Variants in ATAD2 observed in about 807,000 individuals in gnomAD.
ATAD2 encodes ATPase family AAA domain containing 2, also known as ATPase family AAA domain-containing protein 2.
A neutral mutation model predicts 168.9 loss-of-function variants in ATAD2; 62 were observed. That is an observed-to-expected ratio of 0.37 (90% CI 0.30 to 0.45). The LOEUF (loss-of-function observed/expected upper bound fraction) is 0.45. Ranked by LOEUF, ATAD2 falls within the 20% of genes least tolerant of loss-of-function variation. The pLI is 1.00. For synonymous variants in ATAD2, 613 were observed against 571.6 expected (o/e 1.07, Z -1.03); for missense variants, 1,419 against 1,667.8 (o/e 0.85, Z 2.60).
chr8:123,341,999 T>C (rs1828076013), intron 19 of ATAD2, among the ~76,000 whole-genome samples: 1 of 152,128 alleles, frequency 6.6e-6, no homozygotes, highest in Non-Finnish European at 1.5e-5. Context: ...GGCAGGATAA[T>C]TGCTTAAACC....
At chr8:123,358,518 G>T (rs550188925) in intron 11 of ATAD2, among the ~76,000 whole-genome samples, 1 of 151,782 alleles carries the variant, frequency 6.6e-6, no homozygotes, top group South Asian at 2.1e-4. Context: ...CTAATTTTTT[G>T]GGTATTTTTA....
intron 26 of ATAD2, among the ~76,000 whole-genome samples, 187 bp downstream of exon 26, chr8:123,325,706 C>G (rs548938348): frequency 6.6e-6 from 1 of 152,246 alleles, no homozygotes; most frequent in Non-Finnish European, 1.5e-5. Flanking sequence ...CAGGCGTGAG[C>G]CACTGTGCCT....
chr8:123,353,360 T>C (rs914099164), intron 13 of ATAD2, among the ~76,000 whole-genome samples: 1 of 151,822 alleles, frequency 6.6e-6, no homozygotes, highest in African/African-American at 2.4e-5. Context: ...TGAGACTCTG[T>C]CACAAAACAA....
intron 24 of ATAD2, among the ~76,000 whole-genome samples, chr8:123,332,731 C>A (rs944923476): frequency 3.3e-5 from 5 of 152,096 alleles, no homozygotes. Flanking sequence ...TTGTACCAAC[C>A]TAATATTATG....
chr8:123,389,781 C>T (rs1210534765), intron 1 of ATAD2, among the ~76,000 whole-genome samples: 10 of 150,000 alleles, frequency 6.7e-5, no homozygotes, highest in Non-Finnish European at 8.9e-5. Context: ...ACTAATACCA[C>T]CTTAACTTAA....
chr8:123,325,533 A>G (rs547018805), intron 26 of ATAD2, among the ~76,000 whole-genome samples: 77 of 151,978 alleles, frequency 5.1e-4, no homozygotes, highest in African/African-American at 1.8e-3. Flanking sequence ...TGATCCGCCC[A>G]CCTCAGCCTC....
intron 8 of ATAD2, among the ~76,000 whole-genome samples, chr8:123,362,708 C>T (rs1338169365): frequency 6.6e-6 from 1 of 152,000 alleles, no homozygotes; most frequent in Non-Finnish European, 1.5e-5. Flanking sequence ...AGTCATCACG[C>T]CCGGCCAAAA....
chr8:123,340,138 C>T (rs775376085), intron 19 of ATAD2, among the ~76,000 whole-genome samples: 9 of 152,142 alleles, frequency 5.9e-5, no homozygotes, highest in Admixed American at 2.0e-4. Flanking sequence ...GATCCTCCTG[C>T]CCTGGCCTCC....
At chr8:123,404,455 C>G (rs7004120) in intron 1 of ATAD2, among the ~76,000 whole-genome samples, 28,501 of 152,018 alleles carry the variant, frequency 0.19, 3,227 homozygotes, top group Non-Finnish European at 0.26. Context: ...TGACAACCTT[C>G]GGAGTTTCTT....
chr8:123,409,404 C>T (rs572187715), intron 1 of ATAD2, among the ~76,000 whole-genome samples: 173 of 152,294 alleles, frequency 1.1e-3, no homozygotes, highest in Non-Finnish European at 2.1e-3. Flanking sequence ...TTGAAATGAT[C>T]GCTTTAACTT....
upstream of ATAD2, chr8:123,401,264 G>A (rs772567901): frequency 8.0e-5 from 81 of 1,009,612 alleles, no homozygotes; most frequent in East Asian, 4.7e-4. Flanking sequence ...CTGAAGAACC[G>A]AGACTACCCT....
At chr8:123,368,854 T>G (rs1364206049) in intron 8 of ATAD2, among the ~76,000 whole-genome samples, 1 of 152,164 alleles carries the variant, frequency 6.6e-6, no homozygotes, top group East Asian at 1.9e-4. Context: ...CGGTAGTTAC[T>G]AACACCTCCT....
At chr8:123,392,951 G>A (rs990267988) in intron 1 of ATAD2, among the ~76,000 whole-genome samples, 3 of 152,204 alleles carry the variant, frequency 2.0e-5, no homozygotes, top group African/African-American at 7.2e-5. Context: ...TTGGGAGGCC[G>A]AGGAGGGCGG....
rs759592577 is a variant in ATAD2, at chr8:123,372,641, T to C, written c.366A>G (p.Arg122=). Residue 122 remains arginine, a synonymous_variant, in exon 3 of 28, where the codon AGA becomes AGG. Coordinates refer to ENST00000287394, the MANE Select transcript of ATAD2 (RefSeq NM_014109.4). ...AATGACTTTAACAGTACTTACCTTC[T>C]CTGTGCTCTTCTTTTTTTTTATCAG... ...QQADKKKEEH[R]EDKVIPVTRS... The C allele has an allele frequency of 3.1e-6, 5 of 1,591,196 alleles. No individual in the cohort carries two copies. The South Asian group carries it at 3.5e-5, about 11-fold the overall frequency.
intron 1 of ATAD2, among the ~76,000 whole-genome samples, chr8:123,406,152 G>A (rs554074558): frequency 2.6e-5 from 4 of 152,188 alleles, no homozygotes; most frequent in Admixed American, 2.0e-4. Context: ...CGAGGCAGGC[G>A]GATCACTTGA....
intron 15 of ATAD2, 140 bp downstream of exon 15, chr8:123,348,043 T>C (rs963181415): frequency 2.8e-6 from 2 of 716,310 alleles, no homozygotes; most frequent in East Asian, 5.5e-5. Flanking sequence ...TCTTTATTAG[T>C]CTGGTGCAAA....
At chr8:123,380,712 T>C (rs1439359918) in intron 1 of ATAD2, 35 bp from the exon 2 acceptor site, 4 of 1,584,336 alleles carry the variant, frequency 2.5e-6, no homozygotes, top group East Asian at 2.2e-5. Flanking sequence ...TCTAAGTTTT[T>C]CTTTACAAAA....
At chr8:123,397,239 TCAAAAAAAAAAA>T (rs1197947594), upstream of ATAD2, among the ~76,000 whole-genome samples, 1 of 79,626 alleles carries the variant, frequency 1.3e-5, no homozygotes, top group East Asian at 3.0e-4. Flanking sequence ...AGACTCTGTC[TCAAAAAAAAAAA>T]AAAAAAAAAA....
intron 7 of ATAD2, among the ~76,000 whole-genome samples, 185 bp downstream of exon 7, chr8:123,369,636 A>G (rs546857567): frequency 2.0e-5 from 3 of 152,322 alleles, no homozygotes; most frequent in South Asian, 2.1e-4. Context: ...TGGTCAAGGC[A>G]AACATTTAAC....
Sources: gnomAD v4.1 joint callset for allele counts (sites outside exome capture counted in the v4.1 genomes callset) on GRCh38, gnomAD v4.1.1 for gene constraint, MANE v1.5 for transcripts, NCBI Gene and HGNC (gene_info 2026-07-23, HGNC 2026-07-21) for gene names.